Variants in PPP2R3B observed in about 807,000 individuals in gnomAD.
PPP2R3B encodes protein phosphatase 2 regulatory subunit B''beta, also known as serine/threonine-protein phosphatase 2A regulatory subunit B'' subunit beta.
A neutral mutation model predicts 72.9 loss-of-function variants in PPP2R3B; 68 were observed. The observed-to-expected ratio is 0.93, with a 90% CI of 0.77 to 1.14. PPP2R3B has a LOEUF of 1.14. PPP2R3B is among the 50% of genes most tolerant of loss of function. The pLI, the probability that PPP2R3B is intolerant of heterozygous loss-of-function variation, is 0.00. For missense variants in PPP2R3B, 1,018 were observed against 842.0 expected (o/e 1.21, Z -2.59); for synonymous variants, 466 against 375.8 (o/e 1.24, Z -2.78).
At chrX:345,360 G>C in intron 7 of PPP2R3B, 156 bp downstream of exon 7, 4 of 1,060,926 alleles carry the variant, frequency 3.8e-6, no homozygotes, top group Non-Finnish European at 5.6e-6. Context: ...GGGAAGGAGA[G>C]GCAGCTGCAG....
intron 1 of PPP2R3B, among the ~76,000 whole-genome samples, chrX:364,679 C>G (rs1377431842): frequency 3.1e-5 from 3 of 97,292 alleles, no homozygotes; most frequent in Admixed American, 1.1e-4. Flanking sequence ...GATCGCACCA[C>G]TGCACTCCAG....
chrX:341,525 G>GCC, intron 8 of PPP2R3B, 129 bp from the exon 9 acceptor site: 2 of 883,220 alleles, frequency 2.3e-6, no homozygotes, highest in Non-Finnish European at 1.8e-6. Context: ...CCCCCCTCCT[G>GCC]CCCCTCCTCC....
chrX:358,857 G>A (rs1010459228), intron 2 of PPP2R3B, among the ~76,000 whole-genome samples: 1 of 151,210 alleles, frequency 6.6e-6, no homozygotes, highest in African/African-American at 2.4e-5. Context: ...GAAGCACCGT[G>A]GGGATGAAGC....
chrX:338,532 ACTCACCCGTCCTCCCC>A, intron 12 of PPP2R3B, 56 bp downstream of exon 12: 1 of 361,432 alleles, frequency 2.8e-6, no homozygotes, highest in Non-Finnish European at 3.9e-6. Flanking sequence ...CCGTCCTCCC[ACTCACCCGTCCTCCCC>A]ACTCACCCGT....
intron 1 of PPP2R3B, among the ~76,000 whole-genome samples, chrX:376,353 C>A (rs1247010883): frequency 1.3e-5 from 2 of 152,214 alleles, no homozygotes. Flanking sequence ...CGATGCAGAA[C>A]CCGCACCACC....
chrX:375,816 A>AGGTGACACACGCCCTGTCCTGCCACGCCG (rs767273787), intron 1 of PPP2R3B, among the ~76,000 whole-genome samples: 13,654 of 151,512 alleles, frequency 0.09, 655 homozygotes, highest in Middle Eastern at 0.14. Flanking sequence ...CTGCCACGCC[A>AGGTGACACACGCCCTGTCCTGCCACGCCG]GGTGACACAC....
At chrX:364,475 C>CCTG (rs1244590876) in intron 1 of PPP2R3B, among the ~76,000 whole-genome samples, 3 of 147,760 alleles carry the variant, frequency 2.0e-5, no homozygotes, top group Non-Finnish European at 4.5e-5. Flanking sequence ...TCAAGACCAG[C>CCTG]CTGGGCAACA....
chrX:338,526 CCTCCCACTCACCCGT>C (rs2070953126), intron 12 of PPP2R3B, 63 bp downstream of exon 12: 1 of 416,838 alleles, frequency 2.4e-6, no homozygotes, highest in Admixed American at 5.8e-5. Context: ...ACACACCCGT[CCTCCCACTCACCCGT>C]CCTCCCCACT....
chrX:382,724 C>A (rs1216659592), intron 1 of PPP2R3B, among the ~76,000 whole-genome samples: 1 of 152,166 alleles, frequency 6.6e-6, no homozygotes, highest in Non-Finnish European at 1.5e-5. Context: ...TTTGCACAGA[C>A]CTGACCTTCC....
intron 1 of PPP2R3B, among the ~76,000 whole-genome samples, chrX:363,459 CCATCCCACAATGCATCTCCCCGAGCCCAG>C (rs1569403851): frequency 6.7e-5 from 10 of 148,224 alleles, no homozygotes; most frequent in East Asian, 2.0e-4. Flanking sequence ...CCCGAGCCCA[CCATCCCACAATGCATCTCCCCGAGCCCAG>C]CATCCCACAA....
At chrX:375,554 C>T (rs1395396780) in intron 1 of PPP2R3B, among the ~76,000 whole-genome samples, 2 of 147,934 alleles carry the variant, frequency 1.4e-5, no homozygotes, top group Non-Finnish European at 3.0e-5. Context: ...ACCCACGATG[C>T]GGGGCGCAAA....
rs1569378633 is a variant in PPP2R3B at position 340,765 on chromosome X, C to T, written c.1351G>A (p.Gly451Arg). Residue 451 changes from glycine to arginine, a missense_variant and splice_region_variant, in exon 10 of 13, where the codon GGG (glycine) becomes AGG (arginine). Physicochemically the swap from Gly to Arg is moderately radical, Grantham distance 125 (BLOSUM62 -2). Transcript: ENST00000390665. ...MLDLVKPRTE[G>R]KITLQDLKRC... ...GGGCCATGCCCTCACGGGGCATCAC[C>T]TTCAGTCCTCGGCTTGACCAGGTCC... is the stretch of plus-strand genomic sequence containing the variant. The T allele has an allele frequency of 6.2e-7, 1 of 1,610,176 alleles. No individual in the cohort carries two copies. The highest frequency in any genetic ancestry group is 1.7e-5 in the Admixed American group (1 of 59,934).
intron 7 of PPP2R3B, chrX:344,914 T>C: frequency 2.9e-6 from 1 of 345,610 alleles, no homozygotes; most frequent in Non-Finnish European, 5.7e-6. Context: ...GTCTTGGTCA[T>C]ATGGTTTTTT....
intron 2 of PPP2R3B, among the ~76,000 whole-genome samples, chrX:358,206 G>A (rs1016553169): frequency 4.6e-5 from 7 of 152,204 alleles, no homozygotes; most frequent in African/African-American, 7.2e-5. Context: ...AGACGTGGAC[G>A]GACATCTGCA....
chrX:334,069 C>A lies in PPP2R3B; in HGVS notation c.*298G>T, dbSNP rs1603017350. On this transcript the variant is annotated 3_prime_UTR_variant, in exon 13 of 13. Transcript: ENST00000390665. Reference sequence around the variant, plus strand: ...CCGGTCACCGTTGTGCGCACACGGACCCTTTCCACAGACGCAGGCCCCGGA... The same window carrying A: ...CCGGTCACCGTTGTGCGCACACGGAACCTTTCCACAGACGCAGGCCCCGGA... 3.1e-6 allele frequency: 1 copy of A among 319,282 alleles called. No individual in the cohort carries two copies. Among genetic ancestry groups the A allele is most frequent in the Non-Finnish European group, 5.7e-6 (1 of 175,298 alleles). 19.8% of individuals were successfully genotyped at this position (319,282 alleles called of 1,614,324 possible).
At chrX:336,621 G>T (rs2070896188) in intron 12 of PPP2R3B, 2 of 152,228 alleles carry the variant, frequency 1.3e-5, no homozygotes, top group Admixed American at 6.5e-5. Flanking sequence ...GACAGACATG[G>T]GCTGTCCACG....
chrX:363,665 C>G (rs1358868598), intron 1 of PPP2R3B, among the ~76,000 whole-genome samples: 1 of 146,540 alleles, frequency 6.8e-6, no homozygotes, highest in South Asian at 2.2e-4. Context: ...TGCCCACCAT[C>G]CCACAATGCA....
intron 12 of PPP2R3B, chrX:334,888 G>A (rs1389934952): frequency 1.4e-5 from 3 of 219,364 alleles, no homozygotes; most frequent in African/African-American, 6.8e-5. Flanking sequence ...CCACAGTTTA[G>A]ACACATTCTC....
chrX:350,186 T>C (rs1435277885), intron 2 of PPP2R3B, among the ~76,000 whole-genome samples: 4 of 151,920 alleles, frequency 2.6e-5, no homozygotes, highest in African/African-American at 9.7e-5. Flanking sequence ...AGGAAGTGAG[T>C]TGGGACAGAG....
Sources: allele counts gnomAD v4.1 joint callset (sites outside exome capture counted in the v4.1 genomes callset), GRCh38; gene constraint gnomAD v4.1.1; transcripts MANE v1.5; gene names NCBI Gene and HGNC (gene_info 2026-07-23, HGNC 2026-07-21).